Variants in ZSCAN30 observed in about 807,000 individuals in gnomAD.
ZSCAN30 encodes zinc finger and SCAN domain containing 30.
A neutral mutation model predicts 44.3 loss-of-function variants in ZSCAN30; 37 were observed. The observed-to-expected ratio is 0.84, with a 90% CI of 0.64 to 1.10. ZSCAN30 has a LOEUF of 1.10. Ranked by LOEUF, ZSCAN30 falls within the 50% of genes least tolerant of loss-of-function variation. ZSCAN30 has a pLI of 0.00. For synonymous variants in ZSCAN30, 181 were observed against 204.6 expected (o/e 0.88, Z 0.98); for missense variants, 549 against 582.6 (o/e 0.94, Z 0.59).
intron 3 of ZSCAN30, chr18:35,258,557 G>A (rs2043920221): frequency 6.5e-6 from 1 of 152,998 alleles, no homozygotes; most frequent in South Asian, 2.1e-4. Flanking sequence ...GGGATCAGAG[G>A]GAGTGAGAGG....
Position 35,264,105 on chromosome 18 carries a change from G to A in ZSCAN30, c.248C>T (p.Ser83Phe), listed in dbSNP as rs1598626477. Residue 83 changes from serine to phenylalanine, a missense_variant, in exon 2 of 4, where the codon TCC becomes TTC. Coordinates refer to ENST00000333206, the MANE Select transcript of ZSCAN30 (RefSeq NM_001112734.4). ...CAGCAGCTCCAGGATCTGCTCCTTG[G>A]AGTGCACCTCCGGCCTCAACCACTG... is the stretch of plus-strand genomic sequence containing the variant. ...CCQWLRPEVH[S>F]KEQILELLML... 6.2e-7 allele frequency: 1 copy of A among 1,614,050 alleles called. No homozygotes were observed. The highest frequency in any genetic ancestry group is 2.2e-5 in the East Asian group (1 of 44,876).
intron 3 of ZSCAN30, among the ~76,000 whole-genome samples, chr18:35,255,208 T>C (rs141999657): frequency 1.9e-3 from 291 of 151,264 alleles, no homozygotes; most frequent in African/African-American, 6.8e-3. Context: ...CCATCTCTAG[T>C]AGTCTCCTGT....
chr18:35,264,305 C>T lies in ZSCAN30; in HGVS notation c.48G>A (p.Gln16=). 1 of 1,614,072 alleles carries T rather than the reference C, an allele frequency of 6.2e-7. No homozygotes were observed. Among genetic ancestry groups the T allele is most frequent in the East Asian group, 2.2e-5 (1 of 44,886 alleles). Residue 16 remains glutamine, a synonymous_variant, in exon 2 of 4, where the codon CAG becomes CAA. Coordinates refer to ENST00000333206, the MANE Select transcript of ZSCAN30 (RefSeq NM_001112734.4). Reference sequence around the variant, plus strand: ...CAACCTTGACAACTAGAAGTCCTTCCTGTTCTTCTGGAGCATGGTAGGCCA... The same window carrying T: ...CAACCTTGACAACTAGAAGTCCTTCTTGTTCTTCTGGAGCATGGTAGGCCA... ...TVLAYHAPEE[Q]EGLLVVKVEE...
At chr18:35,283,556 A>C (rs2044498222) in intron 1 of ZSCAN30, 1 of 152,320 alleles carries the variant, frequency 6.6e-6, no homozygotes. Flanking sequence ...GTGTGAGCGA[A>C]AGAGTGTGGG....
At chr18:35,264,574 G>T in intron 1 of ZSCAN30, 119 bp from the exon 2 acceptor site, 1 of 507,778 alleles carries the variant, frequency 2.0e-6, no homozygotes, top group Non-Finnish European at 3.5e-6. Context: ...GACTAACAGG[G>T]CACTTCCACA....
rs2043660037 is a variant in ZSCAN30, at chr18:35,253,290, A to G, written c.*160T>C. 3 of 545,008 alleles carry G rather than the reference A, an allele frequency of 5.5e-6. No homozygotes were observed. The highest frequency in any genetic ancestry group is 7.1e-5 in the South Asian group (2 of 28,010). The allele number at this position is 545,008 out of a possible 1,614,324, so 33.8% of individuals were successfully genotyped here. A position where few individuals can be genotyped will look rare whatever the true frequency, so the allele number is the denominator to read the frequency against. On this transcript the variant is annotated 3_prime_UTR_variant, in exon 4 of 4. Coordinates refer to ENST00000333206, the MANE Select transcript of ZSCAN30 (RefSeq NM_001112734.4). Reference sequence around the variant, plus strand: ...CATTTTTCTTCCATTTAACACTTCAATAATCATAACAAACATCTTTGTGTG... The same window carrying G: ...CATTTTTCTTCCATTTAACACTTCAGTAATCATAACAAACATCTTTGTGTG...
At chr18:35,287,579 A>AT (rs1038599847) in intron 1 of ZSCAN30, among the ~76,000 whole-genome samples, 4 of 150,776 alleles carry the variant, frequency 2.7e-5, no homozygotes, top group Non-Finnish European at 4.4e-5. Context: ...CATACCAAAA[A>AT]AAAAAAAAAA....
intron 3 of ZSCAN30, chr18:35,254,816 G>A (rs1242257812): frequency 4.9e-6 from 1 of 202,814 alleles, no homozygotes; most frequent in Non-Finnish European, 1.0e-5. Context: ...ATATAGGAGA[G>A]CAGAAGATAT....
At chr18:35,268,884 G>A (rs780439874) in intron 1 of ZSCAN30, 5 of 152,234 alleles carry the variant, frequency 3.3e-5, no homozygotes, top group Admixed American at 2.0e-4. Context: ...AAGTTTAGTA[G>A]GCACAAGAAA....
chr18:35,262,270 C>CA lies in ZSCAN30; in HGVS notation c.553+1242dup, dbSNP rs1050709760. 5.9e-5 allele frequency: 9 copies of CA among 152,098 alleles called. No homozygotes were observed. The South Asian group carries it at 8.3e-4, about 14-fold the overall frequency. 9.4% of individuals were successfully genotyped at this position (152,098 alleles called of 1,614,324 possible). On this transcript the variant is annotated intron_variant, in intron 3 of 3. Coordinates refer to ENST00000333206, the MANE Select transcript of ZSCAN30 (RefSeq NM_001112734.4). Reference sequence around the variant, plus strand: ...AGTTAATAAGATTGCTTGGTGAAGACAAAATCAGAAGGGTAGTCAGATTTA... The same window carrying CA: ...AGTTAATAAGATTGCTTGGTGAAGACAAAAATCAGAAGGGTAGTCAGATTTA...
chr18:35,271,837 T>C (rs542643193), intron 1 of ZSCAN30, among the ~76,000 whole-genome samples: 1 of 152,320 alleles, frequency 6.6e-6, no homozygotes, highest in Non-Finnish European at 1.5e-5. Flanking sequence ...AATTTGATTG[T>C]GGCGCAGGCA....
intron 3 of ZSCAN30, among the ~76,000 whole-genome samples, chr18:35,256,076 T>A (rs1378146351): frequency 2.0e-5 from 3 of 152,060 alleles, no homozygotes; most frequent in Non-Finnish European, 4.4e-5. Flanking sequence ...CTTATGGGAT[T>A]TAAATACGTC....
chr18:35,280,367 G>A (rs2044435732), intron 1 of ZSCAN30, among the ~76,000 whole-genome samples: 1 of 150,248 alleles, frequency 6.7e-6, no homozygotes, highest in African/African-American at 2.4e-5. Context: ...GACATAGAAG[G>A]CAAGCAACAC....
Position 35,264,108 on chromosome 18 carries a change from T to G in ZSCAN30, c.245A>C (p.His82Pro). ...CAGCTCCAGGATCTGCTCCTTGGAG[T>G]GCACCTCCGGCCTCAACCACTGACA... is the stretch of plus-strand genomic sequence containing the variant. ...LCCQWLRPEVHSKEQILELLM... is the reference protein window; with the variant it reads ...LCCQWLRPEVPSKEQILELLM... The change falls in exon 2 of 4, where the codon CAC becomes CCC. Residue 82 changes from histidine (H) to proline (P), a missense_variant. Transcript: ENST00000333206. 1 of 1,613,892 alleles carries G rather than the reference T, an allele frequency of 6.2e-7. No homozygotes were observed. The highest frequency in any genetic ancestry group is 8.5e-7 in the Non-Finnish European group (1 of 1,179,902).
chr18:35,275,983 T>G (rs1219204668), intron 1 of ZSCAN30, among the ~76,000 whole-genome samples: 1 of 152,254 alleles, frequency 6.6e-6, no homozygotes, highest in Non-Finnish European at 1.5e-5. Context: ...TTTAAACTGA[T>G]GCTCAGATGG....
chr18:35,254,023 A>C lies in ZSCAN30; in HGVS notation c.912T>G (p.Phe304Leu), dbSNP rs771637464. 1.2e-6 allele frequency: 2 copies of C among 1,614,226 alleles called. No homozygotes were observed. Among genetic ancestry groups the C allele is most frequent in the Non-Finnish European group, 1.7e-6 (2 of 1,180,026 alleles). Residue 304 changes from phenylalanine (F) to leucine (L), a missense_variant, in exon 4 of 4, where the codon TTT becomes TTG. Transcript: ENST00000333206. ...TCTGGCAAAAGGCCTTCCCACAGTCAAAGCACTCATAGAGCTTTTCCCTAG... is the reference window on the plus strand; with the variant it reads ...TCTGGCAAAAGGCCTTCCCACAGTCCAAGCACTCATAGAGCTTTTCCCTAG... ...VDTREKLYEC[F>L]DCGKAFCQSS...
intron 3 of ZSCAN30, chr18:35,259,091 C>T (rs2043946597): frequency 6.6e-6 from 1 of 152,628 alleles, no homozygotes; most frequent in Admixed American, 6.6e-5. Context: ...TGGTAAACAA[C>T]AGAAATCTCT....
At chr18:35,271,954 C>G (rs911809667) in intron 1 of ZSCAN30, among the ~76,000 whole-genome samples, 1 of 152,126 alleles carries the variant, frequency 6.6e-6, no homozygotes, top group Admixed American at 6.5e-5. Flanking sequence ...CGGGGCCCGC[C>G]GAGCCCGCGC....
rs566033843 is a variant in ZSCAN30, at chr18:35,270,026, G to A, written c.-103-5571C>T. ...CCAGTATCTGCTAACACTGTGGGGT[G>A]GGGAGGGGAGAGTGATATATACCTA... On this transcript the variant is annotated intron_variant, in intron 1 of 3. Coordinates refer to ENST00000333206, the MANE Select transcript of ZSCAN30 (RefSeq NM_001112734.4). The A allele has an allele frequency of 7.9e-5, 12 of 152,234 alleles. No individual in the cohort carries two copies. In the South Asian group the frequency reaches 1.0e-3, roughly 13 times the overall value. 9.4% of individuals were successfully genotyped at this position (152,234 alleles called of 1,614,324 possible).
Sources: allele counts gnomAD v4.1 joint callset (sites outside exome capture counted in the v4.1 genomes callset), GRCh38; gene constraint gnomAD v4.1.1; transcripts MANE v1.5; gene names NCBI Gene and HGNC (gene_info 2026-07-23, HGNC 2026-07-21).